Variants in HERPUD2 observed in about 807,000 individuals in gnomAD.
HERPUD2 encodes homocysteine-responsive endoplasmic reticulum-resident ubiquitin-like domain member 2 protein.
HERPUD2 carries 13 observed loss-of-function variants against 49.9 expected under a neutral mutation model. The ratio of observed to expected loss-of-function variants is 0.26; its 90% CI spans 0.17 to 0.41. HERPUD2 has a LOEUF of 0.41. HERPUD2 is among the 10% of genes least tolerant of loss of function. The pLI, the probability that HERPUD2 is intolerant of heterozygous loss-of-function variation, is 1.00. For missense variants in HERPUD2, 449 were observed against 492.2 expected (o/e 0.91, Z 0.83); for synonymous variants, 172 against 171.4 (o/e 1.00, Z -0.03).
In HERPUD2 at chr7:35,635,361, G is replaced by A. The variant is rs760838074; in HGVS notation, c.715C>T (p.Pro239Ser). Residue 239 changes from proline to serine, a missense_variant, in exon 7 of 9, where the codon CCC (proline) becomes TCC (serine). By Grantham distance (74) the Pro-to-Ser change is moderately conservative. Coordinates refer to ENST00000311350, the MANE Select transcript of HERPUD2 (RefSeq NM_022373.5). ...GCCACTAGGTTTGGAGCTGGTGGGG[G>A]TTCTTCTCCAGGAACATGTGCCAAA... is the stretch of plus-strand genomic sequence containing the variant. ...LNLAHVPGEE[P>S]PPAPNLVAQE... is the part of the protein sequence containing the mutation. 3.1e-6 allele frequency: 5 copies of A among 1,613,926 alleles called. No individual in the cohort carries two copies. In the African/African-American group the frequency reaches 5.3e-5, roughly 17 times the overall value.
intron 5 of HERPUD2, among the ~76,000 whole-genome samples, chr7:35,667,231 A>G (rs1785554897): frequency 6.6e-6 from 1 of 152,228 alleles, no homozygotes; most frequent in Admixed American, 6.5e-5. Flanking sequence ...GATTGAAAGC[A>G]CTGCCCTACA....
chr7:35,647,762 T>C (rs756619631), intron 5 of HERPUD2, among the ~76,000 whole-genome samples: 3 of 152,220 alleles, frequency 2.0e-5, no homozygotes, highest in Non-Finnish European at 2.9e-5. Context: ...ATTGTGAACT[T>C]AGGCAAACTG....
rs202027289 is a variant in HERPUD2, at chr7:35,659,882, CTTTAT to C, written c.494+7547_494+7551del. 3.3e-3 allele frequency among the ~76,000 whole-genome samples: 485 copies of C among 147,936 alleles called. 4 individuals are homozygous for C. Among genetic ancestry groups the C allele is most frequent in the African/African-American group, 0.01 (411 of 40,204 alleles). On this transcript the variant is annotated intron_variant, in intron 5 of 8. Transcript: ENST00000311350. ...TATTTCATCTTTATTTTTTTTATTC[CTTTAT>C]TTTATTTTATTTTACTTTAAGTTCT...
chr7:35,668,173 T>A lies in HERPUD2; in HGVS notation c.340-585A>T, dbSNP rs1583558509. ...ACTTAACCTCTCAGAGTTTCCACTT[T>A]CCTACAGAAAATGAGATTGGACTAA... On this transcript the variant is annotated intron_variant, in intron 4 of 8. Transcript: ENST00000311350. Among the ~76,000 whole-genome samples, 3 of 152,314 alleles carry A rather than the reference T, an allele frequency of 2.0e-5. No homozygotes were observed. In the South Asian group the frequency reaches 6.2e-4, roughly 32 times the overall value.
At chr7:35,666,362 C>A (rs1785536213) in intron 5 of HERPUD2, among the ~76,000 whole-genome samples, 1 of 152,198 alleles carries the variant, frequency 6.6e-6, no homozygotes, top group African/African-American at 2.4e-5. Flanking sequence ...CTTTGTTTTT[C>A]TGTATTAATA....
intron 4 of HERPUD2, among the ~76,000 whole-genome samples, chr7:35,668,266 T>G (rs1199294148): frequency 6.6e-6 from 1 of 152,222 alleles, no homozygotes. Flanking sequence ...ATATTGCTTT[T>G]TTACAAAATG....
At chr7:35,674,378 CCTATAT>C (rs1413853002) in intron 2 of HERPUD2, among the ~76,000 whole-genome samples, 25 of 34,928 alleles carry the variant, frequency 7.2e-4, no homozygotes, top group East Asian at 2.4e-3. Context: ...AGTCTTACAA[CCTATAT>C]ATATATATAT....
intron 4 of HERPUD2, among the ~76,000 whole-genome samples, chr7:35,668,006 T>G (rs1785572896): frequency 6.6e-6 from 1 of 152,194 alleles, no homozygotes; most frequent in Non-Finnish European, 1.5e-5. Flanking sequence ...AAACAGTTAC[T>G]ATGTGCCAAG....
At chr7:35,640,240 G>A (rs553975248) in intron 5 of HERPUD2, among the ~76,000 whole-genome samples, 23 of 152,304 alleles carry the variant, frequency 1.5e-4, no homozygotes, top group African/African-American at 5.5e-4. Context: ...GCTGTATCTA[G>A]ATGTATATTT....
At chr7:35,674,297 T>C (rs1349358662) in intron 2 of HERPUD2, among the ~76,000 whole-genome samples, 1 of 149,530 alleles carries the variant, frequency 6.7e-6, no homozygotes, top group Non-Finnish European at 1.5e-5. Flanking sequence ...GAGTGTGCCA[T>C]TCCTCAAATG....
In HERPUD2 at chr7:35,682,187, C is replaced by A. The variant is rs542355346; in HGVS notation, c.148-8909G>T. On this transcript the variant is annotated intron_variant, in intron 2 of 8. Transcript: ENST00000311350. ...CTGAGTAGCTGGGACTACAGGCATG[C>A]GTTATCACGCCTGGCTAATTTTTGT... Among the ~76,000 whole-genome samples, 6 of 149,486 alleles carry A rather than the reference C, an allele frequency of 4.0e-5. 1 individual carries two copies. The highest frequency in any genetic ancestry group is 4.0e-4 in the Admixed American group (6 of 14,972).
At chr7:35,693,409 T>C (rs1198368015) in intron 2 of HERPUD2, among the ~76,000 whole-genome samples, 2 of 152,178 alleles carry the variant, frequency 1.3e-5, no homozygotes, top group Non-Finnish European at 2.9e-5. Context: ...ACCTTGAAAG[T>C]ATAATTTTTA....
intron 5 of HERPUD2, among the ~76,000 whole-genome samples, chr7:35,639,976 A>C (rs1562668070): frequency 1.3e-5 from 2 of 152,140 alleles, no homozygotes; most frequent in Non-Finnish European, 2.9e-5. Flanking sequence ...TAAGGGGGAA[A>C]AAACTTCAGC....
At chr7:35,645,184 T>C (rs1338249080) in intron 5 of HERPUD2, among the ~76,000 whole-genome samples, 1 of 152,160 alleles carries the variant, frequency 6.6e-6, no homozygotes, top group Non-Finnish European at 1.5e-5. Flanking sequence ...ATAAAGTCTT[T>C]AAAAATAAAA....
In HERPUD2 at chr7:35,665,576, G is replaced by A. The variant is rs564037573; in HGVS notation, c.494+1858C>T. On this transcript the variant is annotated intron_variant, in intron 5 of 8. Transcript: ENST00000311350. Reference sequence around the variant, plus strand: ...ACCCCTTGCGCTTCCCAGGTGAGGCGATGCCCCGCCCTGCTCCATGGGCTG... The same window carrying A: ...ACCCCTTGCGCTTCCCAGGTGAGGCAATGCCCCGCCCTGCTCCATGGGCTG... Among the ~76,000 whole-genome samples the A allele has an allele frequency of 3.6e-4, 55 of 152,272 alleles. 1 individual carries two copies. In the South Asian group the frequency reaches 9.5e-3, roughly 26 times the overall value.
chr7:35,672,820 C>A (rs770115620), intron 3 of HERPUD2, among the ~76,000 whole-genome samples: 3 of 152,030 alleles, frequency 2.0e-5, no homozygotes, highest in Non-Finnish European at 4.4e-5. Flanking sequence ...CCAACTCAAG[C>A]AATTTGTATA....
At chr7:35,666,732 T>C (rs1043785283) in intron 5 of HERPUD2, among the ~76,000 whole-genome samples, 1 of 152,218 alleles carries the variant, frequency 6.6e-6, no homozygotes, top group Non-Finnish European at 1.5e-5. Context: ...CTGCATTTCC[T>C]CTGGAAGTGC....
At chr7:35,672,668 C>T (rs1187629362) in intron 3 of HERPUD2, among the ~76,000 whole-genome samples, 1 of 152,006 alleles carries the variant, frequency 6.6e-6, no homozygotes, top group Non-Finnish European at 1.5e-5. Context: ...AAGCTAAAAG[C>T]TACCACTAAA....
intron 4 of HERPUD2, 117 bp from the exon 5 acceptor site, chr7:35,667,705 T>C (rs1785566578): frequency 1.3e-6 from 1 of 745,122 alleles, no homozygotes; most frequent in Non-Finnish European, 2.2e-6. Flanking sequence ...ATTTCAGAAA[T>C]TTACTGTTTT....
Sources: gnomAD v4.1 joint callset for allele counts (sites outside exome capture counted in the v4.1 genomes callset) on GRCh38, gnomAD v4.1.1 for gene constraint, MANE v1.5 for transcripts, NCBI Gene and HGNC (gene_info 2026-07-23, HGNC 2026-07-21) for gene names.